GRK3: variants seen among roughly 807,000 people sequenced by gnomAD.
The protein encoded by GRK3 is adrenergic, beta, receptor kinase 2.
In GRK3, 54 loss-of-function variants were observed where a neutral mutation model predicts 95.7. The observed-to-expected ratio is 0.56, with a 90% CI of 0.45 to 0.71. The LOEUF is 0.71. Ranked by LOEUF, GRK3 falls within the 30% of genes least tolerant of loss-of-function variation. The pLI, the probability that GRK3 is intolerant of heterozygous loss-of-function variation, is 0.00. For synonymous variants in GRK3, 281 were observed against 290.8 expected (o/e 0.97, Z 0.34); for missense variants, 649 against 851.2 (o/e 0.76, Z 2.96).
intron 10 of GRK3, among the ~76,000 whole-genome samples, chr22:25,686,659 T>C (rs2146432792): frequency 6.6e-6 from 1 of 152,320 alleles, no homozygotes; most frequent in South Asian, 2.1e-4. Context: ...GTCTGTGTAA[T>C]TTGAGGCCAT....
At chr22:25,635,620 T>G (rs1335498901) in intron 2 of GRK3, among the ~76,000 whole-genome samples, 1 of 152,220 alleles carries the variant, frequency 6.6e-6, no homozygotes, top group East Asian at 1.9e-4. Flanking sequence ...AAGACACTTT[T>G]GTCAGGAGAC....
chr22:25,582,309 A>C (rs1932128746), intron 1 of GRK3, among the ~76,000 whole-genome samples: 1 of 152,122 alleles, frequency 6.6e-6, no homozygotes, highest in African/African-American at 2.4e-5. Flanking sequence ...TGTTGCTCTA[A>C]ACCGGGCCTC....
Position 25,644,629 on chromosome 22 carries a change from T to G in GRK3, c.228T>G (p.Ile76Met). The change falls in exon 3 of 21, where the codon ATT (isoleucine) becomes ATG (methionine). Residue 76 changes from isoleucine to methionine, a missense_variant. Ile to Met is a conservative substitution (Grantham distance 10, BLOSUM62 1). Transcript: ENST00000324198. ...LLFKDFCLNE[I>M]NEAVPQVKFY... ...TTAAAGATTTTTGTTTGAATGAAATTAATGAAGCTGTACCTCAGGTGAAGT... is the reference window on the plus strand; with the variant it reads ...TTAAAGATTTTTGTTTGAATGAAATGAATGAAGCTGTACCTCAGGTGAAGT... The G allele has an allele frequency of 1.9e-6, 3 of 1,579,236 alleles. No individual in the cohort carries two copies. Among genetic ancestry groups the G allele is most frequent in the Non-Finnish European group, 2.6e-6 (3 of 1,153,690 alleles).
chr22:25,672,716 A>G (rs1432534883), intron 7 of GRK3, among the ~76,000 whole-genome samples: 2 of 152,166 alleles, frequency 1.3e-5, no homozygotes, highest in Admixed American at 6.5e-5. Flanking sequence ...AGATATAATA[A>G]TACAAATTGA....
chr22:25,714,853 A>G (rs1376771136), intron 18 of GRK3, among the ~76,000 whole-genome samples: 5 of 151,914 alleles, frequency 3.3e-5, no homozygotes, highest in Non-Finnish European at 7.4e-5. Flanking sequence ...TTCCTTCCAG[A>G]TTGAGTATGA....
At chr22:25,653,351 C>T (rs1037722458) in intron 3 of GRK3, among the ~76,000 whole-genome samples, 6 of 152,062 alleles carry the variant, frequency 3.9e-5, no homozygotes, top group Non-Finnish European at 5.9e-5. Flanking sequence ...GAACACTAAC[C>T]AAAGCAAAGC....
Position 25,709,939 on chromosome 22 carries a change from A to T in GRK3, c.1370A>T (p.Asp457Val), listed in dbSNP as rs777405800. ...GAGCACAGCTTTTTCAAAGGTGTTG[A>T]CTGGCAGCATGTCTACTTACAAAAG... ...VKEHSFFKGV[D>V]WQHVYLQKYP... The change falls in exon 16 of 21, where the codon GAC becomes GTC. Residue 457 changes from aspartate to valine, a missense_variant. Physicochemically the swap from Asp to Val is radical, Grantham distance 152. Coordinates refer to ENST00000324198, the MANE Select transcript of GRK3 (RefSeq NM_005160.4). The T allele has an allele frequency of 9.3e-6, 15 of 1,613,824 alleles. No homozygotes were observed. The highest frequency in any genetic ancestry group is 1.3e-5 in the Non-Finnish European group (15 of 1,179,828).
At chr22:25,677,589 G>A (rs1361292691) in intron 8 of GRK3, among the ~76,000 whole-genome samples, 1 of 152,098 alleles carries the variant, frequency 6.6e-6, no homozygotes, top group African/African-American at 2.4e-5. Context: ...TTTGTTGTAA[G>A]AACTCGTAGA....
At chr22:25,636,385 G>A (rs1264347595) in intron 2 of GRK3, among the ~76,000 whole-genome samples, 1 of 152,102 alleles carries the variant, frequency 6.6e-6, no homozygotes, top group Non-Finnish European at 1.5e-5. Context: ...TTCCAATTCA[G>A]TGCTACAATG....
intron 3 of GRK3, chr22:25,648,863 A>G (rs897424310): frequency 1.7e-5 from 16 of 966,812 alleles, no homozygotes; most frequent in African/African-American, 4.8e-5. Context: ...TAGCAAGGTT[A>G]ATTGAAGACA....
At position 25,565,126 on chromosome 22, in the gene GRK3, G is replaced by T. The variant is rs1335828257; in HGVS notation, c.86G>T (p.Ser29Ile). 4 of 1,548,682 alleles carry T rather than the reference G, an allele frequency of 2.6e-6. No individual in the cohort carries two copies. Among genetic ancestry groups the T allele is most frequent in the Middle Eastern group, 2.1e-4 (1 of 4,768 alleles). ...KSKATPAARA[S>I]KRIVLPEPSI... The stretch of plus-strand genomic sequence containing the variant: ...AAGGCGACCCCGGCCGCCCGCGCCA[G>T]CAAGAGGATCGTCCTGCCGGAGCCC... Residue 29 changes from serine (S) to isoleucine (I), a missense_variant, in exon 1 of 21, where the codon AGC becomes ATC. Around this residue, in one of 3 missense-constraint regions of GRK3, gnomAD observed 206 missense variants for 231.4 expected, o/e 0.89. Coordinates refer to ENST00000324198, the MANE Select transcript of GRK3 (RefSeq NM_005160.4).
chr22:25,646,725 T>TA (rs1388732585), intron 3 of GRK3, among the ~76,000 whole-genome samples: 2 of 152,076 alleles, frequency 1.3e-5, no homozygotes, highest in East Asian at 3.9e-4. Flanking sequence ...AAATGATTTT[T>TA]AAAAAAAGAC....
chr22:25,610,600 C>A (rs2084489194), intron 2 of GRK3, among the ~76,000 whole-genome samples: 1 of 152,212 alleles, frequency 6.6e-6, no homozygotes. Flanking sequence ...TTCCATGCCT[C>A]CAAAAGATCC....
At chr22:25,719,029 AC>A (rs2085409520) in intron 19 of GRK3, among the ~76,000 whole-genome samples, 1 of 152,182 alleles carries the variant, frequency 6.6e-6, no homozygotes, top group African/African-American at 2.4e-5. Flanking sequence ...CAAATACGAT[AC>A]CATTTTATAT....
At chr22:25,717,330 A>G (rs747409477) in intron 18 of GRK3, among the ~76,000 whole-genome samples, 12 of 152,178 alleles carry the variant, frequency 7.9e-5, no homozygotes, top group Admixed American at 2.0e-4. Flanking sequence ...AGCACTTCTC[A>G]GTGAAAAGGA....
chr22:25,630,342 G>C (rs551169219), intron 2 of GRK3, among the ~76,000 whole-genome samples: 2 of 152,138 alleles, frequency 1.3e-5, no homozygotes, highest in African/African-American at 4.8e-5. Context: ...AATGTAAGTC[G>C]TATGGCTTAT....
At chr22:25,671,631 T>G (rs2084983881) in intron 6 of GRK3, among the ~76,000 whole-genome samples, 1 of 152,230 alleles carries the variant, frequency 6.6e-6, no homozygotes, top group Admixed American at 6.5e-5. Flanking sequence ...GCCAAGCCTC[T>G]GAACATTTTG....
In GRK3 at chr22:25,728,815, C is replaced by G. The variant is rs2085494177; in HGVS notation, c.*6365C>G. 6.6e-6 allele frequency: 1 copy of G among 152,020 alleles called. No homozygotes were observed. Among genetic ancestry groups the G allele is most frequent in the South Asian group, 2.1e-4 (1 of 4,792 alleles). 9.4% of individuals were successfully genotyped at this position (152,020 alleles called of 1,614,324 possible). On this transcript the variant is annotated 3_prime_UTR_variant, in exon 21 of 21. Transcript: ENST00000324198. ...TGAGAGGTCTTATATTTGAATGGAC[C>G]CTTAATGATTTATGTGAAATAGAAT...
chr22:25,681,341 GCA>G (rs1355696962), intron 9 of GRK3, among the ~76,000 whole-genome samples: 1 of 152,186 alleles, frequency 6.6e-6, no homozygotes, highest in African/African-American at 2.4e-5. Context: ...TGGAAGACAG[GCA>G]CACAGTGCTC....
Sources: gnomAD v4.1 joint callset for allele counts (sites outside exome capture counted in the v4.1 genomes callset) on GRCh38, gnomAD v4.1.1 for gene constraint, gnomAD v4.1.1 regional missense constraint, MANE v1.5 for transcripts, NCBI Gene and HGNC (gene_info 2026-07-23, HGNC 2026-07-21) for gene names.